Variants in OR2L3 observed in about 807,000 individuals in gnomAD.
The protein encoded by OR2L3 is olfactory receptor family 2 subfamily L member 3.
For synonymous variants in OR2L3, 131 were observed against 139.1 expected (o/e 0.94, Z 0.41); for missense variants, 369 against 376.6 (o/e 0.98, Z 0.17).
At position 248,060,798 on chromosome 1, in the gene OR2L3, T is replaced by G. The variant is rs766156219; in HGVS notation, c.117T>G (p.Ile39Met). 1.7e-5 allele frequency: 28 copies of G among 1,614,010 alleles called. No homozygotes were observed. In the Admixed American group the frequency reaches 4.5e-4, roughly 26 times the overall value. ...LIVFIFLMAL[I>M]GNLSMILLIF... is the part of the protein sequence containing the mutation. ...TTTTCATTTTCCTAATGGCTCTAATTGGAAACCTATCCATGATTCTTCTCA... is the reference window on the plus strand; with the variant it reads ...TTTTCATTTTCCTAATGGCTCTAATGGGAAACCTATCCATGATTCTTCTCA... The change falls in exon 2 of 2, where the codon ATT becomes ATG. Residue 39 changes from isoleucine to methionine, a missense_variant. Ile to Met is a conservative substitution (Grantham distance 10, BLOSUM62 1). Coordinates refer to ENST00000359959, the MANE Select transcript of OR2L3 (RefSeq NM_001004687.2).
chr1:248,061,775 A>G lies in OR2L3; in HGVS notation c.*155A>G, dbSNP rs927311632. The G allele has an allele frequency of 3.3e-6, 2 of 599,112 alleles. No individual in the cohort carries two copies. Among genetic ancestry groups the G allele is most frequent in the African/African-American group, 1.8e-5 (1 of 54,352 alleles). The allele number at this position is 599,112 out of a possible 1,614,324, so 37.1% of individuals were successfully genotyped here. On this transcript the variant is annotated 3_prime_UTR_variant, in exon 2 of 2. Coordinates refer to ENST00000359959, the MANE Select transcript of OR2L3 (RefSeq NM_001004687.2). ...ATTTCTGGACAAAATTGTTTTACAT[A>G]TATATGTATATATAACTCCAAACAA...
intron 1 of OR2L3, among the ~76,000 whole-genome samples, chr1:248,050,051 C>T (rs1046617205): frequency 1.1e-4 from 17 of 152,214 alleles, no homozygotes; most frequent in Middle Eastern, 3.4e-3. Context: ...AATAGAATCA[C>T]GGAACGAATC....
intron 1 of OR2L3, among the ~76,000 whole-genome samples, chr1:248,054,475 T>G (rs1663369642): frequency 6.6e-6 from 1 of 152,206 alleles, no homozygotes; most frequent in Non-Finnish European, 1.5e-5. Flanking sequence ...TCTAATTCTG[T>G]GAAGAATATC....
At chr1:248,057,970 G>A (rs1663494422) in intron 1 of OR2L3, among the ~76,000 whole-genome samples, 1 of 151,954 alleles carries the variant, frequency 6.6e-6, no homozygotes, top group Non-Finnish European at 1.5e-5. Context: ...TTCTTTTCTT[G>A]TTTAATTGTT....
rs575293547 is a variant in OR2L3 at position 248,053,125 on chromosome 1, G to A, written c.-22+6245G>A. Among the ~76,000 whole-genome samples, 68 of 151,996 alleles carry A rather than the reference G, an allele frequency of 4.5e-4. 1 individual carries two copies. The South Asian group carries it at 0.011, about 25-fold the overall frequency. On this transcript the variant is annotated intron_variant, in intron 1 of 1. Coordinates refer to ENST00000359959, the MANE Select transcript of OR2L3 (RefSeq NM_001004687.2). ...CCCCTCCACCGCCCTCCCACAACAG[G>A]CCCCAGTAAGTGTTGTTCTCTTCCT...
At chr1:248,052,661 G>T (rs902930453) in intron 1 of OR2L3, among the ~76,000 whole-genome samples, 1 of 152,080 alleles carries the variant, frequency 6.6e-6, no homozygotes, top group African/African-American at 2.4e-5. Context: ...AATCTGGGAG[G>T]TGGAGCTTGT....
rs1369077150 is a variant in OR2L3 at position 248,062,211 on chromosome 1, G to C, written c.*591G>C. 6.6e-6 allele frequency: 1 copy of C among 152,176 alleles called. No individual in the cohort carries two copies. The highest frequency in any genetic ancestry group is 1.5e-5 in the Non-Finnish European group (1 of 68,092). 9.4% of individuals were successfully genotyped at this position (152,176 alleles called of 1,614,324 possible). A position where few individuals can be genotyped will look rare whatever the true frequency, so the allele number is the denominator to read the frequency against. ...CTATGACAAGATTATGTTCTTTATA[G>C]GGGAATGAATCCCAGGAAATGATTT... On this transcript the variant is annotated 3_prime_UTR_variant, in exon 2 of 2. Transcript: ENST00000359959.
intron 1 of OR2L3, among the ~76,000 whole-genome samples, chr1:248,050,211 C>G (rs73143320): frequency 1.3e-5 from 2 of 151,854 alleles, no homozygotes; most frequent in Non-Finnish European, 2.9e-5. Flanking sequence ...CTCGTTCTTT[C>G]CTCCTGTGTA....
intron 1 of OR2L3, among the ~76,000 whole-genome samples, chr1:248,060,236 G>A (rs1009445237): frequency 6.6e-6 from 1 of 152,224 alleles, no homozygotes; most frequent in South Asian, 2.1e-4. Context: ...TTGTAATAGA[G>A]ATATCTTTCT....
At chr1:248,055,222 T>C (rs1558200751) in intron 1 of OR2L3, among the ~76,000 whole-genome samples, 1 of 152,202 alleles carries the variant, frequency 6.6e-6, no homozygotes, top group African/African-American at 2.4e-5. Flanking sequence ...TTTAGTTCTG[T>C]TTATGTGATG....
rs1663653572 is a variant in OR2L3, at chr1:248,061,743, A to G, written c.*123A>G. 3 of 913,250 alleles carry G rather than the reference A, an allele frequency of 3.3e-6. No individual in the cohort carries two copies. Among genetic ancestry groups the G allele is most frequent in the African/African-American group, 3.3e-5 (2 of 59,894 alleles). 56.6% of individuals were successfully genotyped at this position (913,250 alleles called of 1,614,324 possible). The stretch of plus-strand genomic sequence containing the variant: ...AAAGTAATCAAGGTAAGAGAAAAAA[A>G]TCACTGATTTCTGGACAAAATTGTT... On this transcript the variant is annotated 3_prime_UTR_variant, in exon 2 of 2. Transcript: ENST00000359959.
chr1:248,049,142 G>A (rs543794888), intron 1 of OR2L3, among the ~76,000 whole-genome samples: 2 of 152,234 alleles, frequency 1.3e-5, no homozygotes, highest in Non-Finnish European at 2.9e-5. Flanking sequence ...TCCCAACTCT[G>A]TCACTAGGTC....
At chr1:248,047,570 C>T (rs7531785) in intron 1 of OR2L3, among the ~76,000 whole-genome samples, 23,290 of 152,032 alleles carry the variant, frequency 0.15, 2,100 homozygotes, top group East Asian at 0.32. Flanking sequence ...TGTTTTTACA[C>T]GCAACTTGAT....
rs1237285293 is a variant in OR2L3 at position 248,060,675 on chromosome 1, A to G, written c.-7A>G. On this transcript the variant is annotated 5_prime_UTR_variant, in exon 2 of 2. It removes an upstream start codon present in the reference 5' UTR. Coordinates refer to ENST00000359959, the MANE Select transcript of OR2L3 (RefSeq NM_001004687.2). ...TCTCCCTTCAGGAAAGAGCACACGA[A>G]TGCCCCATGGAAAATTACAATCAAA... 1 of 1,606,414 alleles carries G rather than the reference A, an allele frequency of 6.2e-7. No individual in the cohort carries two copies. Among genetic ancestry groups the G allele is most frequent in the Non-Finnish European group, 8.5e-7 (1 of 1,174,970 alleles).
intron 1 of OR2L3, among the ~76,000 whole-genome samples, chr1:248,047,270 G>A (rs1340343663): frequency 6.6e-6 from 1 of 151,994 alleles, no homozygotes; most frequent in Non-Finnish European, 1.5e-5. Flanking sequence ...GATTTCTTTT[G>A]CCATGAATGA....
At position 248,048,067 on chromosome 1, in the gene OR2L3, G is replaced by A. The variant is rs182195124; in HGVS notation, c.-22+1187G>A. Among the ~76,000 whole-genome samples the A allele has an allele frequency of 1.4e-4, 21 of 152,264 alleles. No homozygotes were observed. In the East Asian group the frequency reaches 3.3e-3, roughly 24 times the overall value. Reference sequence around the variant, plus strand: ...TTACAGCGTGAAGCAGAGTAAGCACGTCCTCATTCCAAAATAACAGTCAAA... The same window carrying A: ...TTACAGCGTGAAGCAGAGTAAGCACATCCTCATTCCAAAATAACAGTCAAA... On this transcript the variant is annotated intron_variant, in intron 1 of 1. Transcript: ENST00000359959.
intron 1 of OR2L3, among the ~76,000 whole-genome samples, chr1:248,059,198 A>G (rs936536693): frequency 8.5e-5 from 13 of 152,154 alleles, no homozygotes; most frequent in African/African-American, 3.1e-4. Flanking sequence ...ATACGTGGTT[A>G]TAGTAGCTCA....
rs928871710 is a variant in OR2L3 at position 248,063,175 on chromosome 1, G to T, written c.*1555G>T. The T allele has an allele frequency of 6.6e-6, 1 of 152,176 alleles. No homozygotes were observed. The highest frequency in any genetic ancestry group is 2.4e-5 in the African/African-American group (1 of 41,446). The allele number at this position is 152,176 out of a possible 1,614,324, so 9.4% of individuals were successfully genotyped here. ...TGATAGACATTGCATTGAATCTGTAGTTTGGTTATTTAAATAATATTAATT... is the reference window on the plus strand; with the variant it reads ...TGATAGACATTGCATTGAATCTGTATTTTGGTTATTTAAATAATATTAATT... On this transcript the variant is annotated 3_prime_UTR_variant, in exon 2 of 2. Transcript: ENST00000359959.
rs1222790238 is a variant in OR2L3, at chr1:248,062,059, G to A, written c.*439G>A. The A allele has an allele frequency of 6.3e-6, 1 of 158,634 alleles. No individual in the cohort carries two copies. 9.8% of individuals were successfully genotyped at this position (158,634 alleles called of 1,614,324 possible). ...TGTATCTAGTTGAAAGCTGTAAGAT[G>A]TTTTGTCTTTCTTATCTTAGACACT... On this transcript the variant is annotated 3_prime_UTR_variant, in exon 2 of 2. Coordinates refer to ENST00000359959, the MANE Select transcript of OR2L3 (RefSeq NM_001004687.2).
Sources: allele counts gnomAD v4.1 joint callset (sites outside exome capture counted in the v4.1 genomes callset), GRCh38; gene constraint gnomAD v4.1.1; transcripts MANE v1.5; gene names NCBI Gene and HGNC (gene_info 2026-07-23, HGNC 2026-07-21).